The following ROBO2 variants were observed in gnomAD, a reference collection of about 807,000 sequenced individuals.
The protein encoded by ROBO2 is roundabout homolog 2.
A neutral mutation model predicts 160.8 loss-of-function variants in ROBO2; 53 were observed. The observed-to-expected ratio is 0.33, with a 90% CI of 0.26 to 0.41. The LOEUF is 0.41. Among genes scored for constraint, ROBO2 ranks in the 10% least tolerant of loss-of-function variants. ROBO2 has a pLI of 1.00. For synonymous variants in ROBO2, 664 were observed against 611.7 expected (o/e 1.09, Z -1.26); for missense variants, 1,577 against 1,722.4 (o/e 0.92, Z 1.49).
intron 2 of ROBO2, among the ~76,000 whole-genome samples, chr3:76,474,060 G>C (rs942068595): frequency 1.3e-5 from 2 of 152,078 alleles, no homozygotes; most frequent in South Asian, 4.1e-4. Context: ...AAAGGAAGAA[G>C]GTTATAGAGT....
At chr3:76,284,535 A>G (rs964138574) in intron 2 of ROBO2, among the ~76,000 whole-genome samples, 6 of 152,080 alleles carry the variant, frequency 3.9e-5, no homozygotes, top group Non-Finnish European at 7.4e-5. Flanking sequence ...TTATCCATTC[A>G]TTTTCCAACT....
intron 2 of ROBO2, among the ~76,000 whole-genome samples, chr3:76,587,133 CCT>C (rs1433038578): frequency 6.6e-6 from 1 of 152,086 alleles, no homozygotes; most frequent in Non-Finnish European, 1.5e-5. Context: ...GCCCATTGCC[CCT>C]GTCTAAAATG....
intron 2 of ROBO2, among the ~76,000 whole-genome samples, chr3:76,299,669 G>C (rs1709260756): frequency 6.6e-6 from 1 of 152,150 alleles, no homozygotes; most frequent in African/African-American, 2.4e-5. Context: ...GTTGAAGTGT[G>C]ACTACCTGTT....
At chr3:76,374,915 G>A (rs1181059954) in intron 2 of ROBO2, among the ~76,000 whole-genome samples, 1 of 150,964 alleles carries the variant, frequency 6.6e-6, no homozygotes, top group African/African-American at 2.4e-5. Context: ...TCTTTTATCA[G>A]TGTGACTATC....
At chr3:76,271,150 T>C (rs1286057033) in intron 2 of ROBO2, among the ~76,000 whole-genome samples, 2 of 152,018 alleles carry the variant, frequency 1.3e-5, no homozygotes, top group Non-Finnish European at 2.9e-5. Context: ...ATATGAAAAT[T>C]AACCAATCAT....
At chr3:76,214,734 G>A (rs1165622843) in intron 2 of ROBO2, among the ~76,000 whole-genome samples, 3 of 152,178 alleles carry the variant, frequency 2.0e-5, no homozygotes, top group Admixed American at 2.0e-4. Context: ...CCACCTCTGG[G>A]GGCAGGGCAC....
At chr3:77,560,547 C>G (rs1490254893) in intron 9 of ROBO2, among the ~76,000 whole-genome samples, 2 of 151,950 alleles carry the variant, frequency 1.3e-5, no homozygotes, top group South Asian at 2.1e-4. Flanking sequence ...CTCATACAGT[C>G]AAGAGAGTTT....
intron 5 of ROBO2, among the ~76,000 whole-genome samples, chr3:77,493,940 A>G (rs896920011): frequency 6.6e-6 from 1 of 152,060 alleles, no homozygotes; most frequent in Non-Finnish European, 1.5e-5. Flanking sequence ...CCATCTCTTC[A>G]TGGAGACCTT....
intron 2 of ROBO2, among the ~76,000 whole-genome samples, chr3:75,946,768 G>C (rs1180483650): frequency 6.6e-6 from 1 of 152,088 alleles, no homozygotes; most frequent in Non-Finnish European, 1.5e-5. Flanking sequence ...CATGAAGGAA[G>C]AGCATGGAGA....
intron 2 of ROBO2, among the ~76,000 whole-genome samples, chr3:76,900,964 C>T (rs2075178983): frequency 6.6e-6 from 1 of 152,140 alleles, no homozygotes; most frequent in East Asian, 1.9e-4. Flanking sequence ...GCTGAATAAT[C>T]TAAGCCAAAT....
At chr3:76,724,417 C>T (rs1203154530) in intron 2 of ROBO2, among the ~76,000 whole-genome samples, 2 of 152,176 alleles carry the variant, frequency 1.3e-5, no homozygotes, top group African/African-American at 2.4e-5. Context: ...CAACTATTTC[C>T]GCAAGTCTTC....
chr3:76,001,162 G>A (rs1383434044), intron 2 of ROBO2, among the ~76,000 whole-genome samples: 4 of 152,080 alleles, frequency 2.6e-5, no homozygotes, highest in African/African-American at 4.8e-5. Context: ...TAGCACTAAC[G>A]AAGCACAACA....
At chr3:76,813,320 T>C (rs1012258879) in intron 2 of ROBO2, among the ~76,000 whole-genome samples, 1 of 152,130 alleles carries the variant, frequency 6.6e-6, no homozygotes, top group African/African-American at 2.4e-5. Flanking sequence ...GTAGCTAATA[T>C]AAACCTGAGA....
At chr3:77,478,681 TTTGACTGAATAAATGTGCCA>T in intron 3 of ROBO2, among the ~76,000 whole-genome samples, 1 of 152,192 alleles carries the variant, frequency 6.6e-6, no homozygotes, top group South Asian at 2.1e-4. Context: ...TAATTTCTCA[TTTGACTGAATAAATGTGCCA>T]TTTTAATAAA....
intron 2 of ROBO2, among the ~76,000 whole-genome samples, chr3:76,558,823 A>G (rs1474627614): frequency 6.6e-6 from 1 of 152,190 alleles, no homozygotes; most frequent in East Asian, 1.9e-4. Context: ...AGTTTGTTTG[A>G]AAGAAACAAC....
chr3:76,554,394 T>C (rs754141049), intron 2 of ROBO2, among the ~76,000 whole-genome samples: 1 of 152,208 alleles, frequency 6.6e-6, no homozygotes, highest in African/African-American at 2.4e-5. Flanking sequence ...TTTGGTTGTT[T>C]ACGCTTTTTT....
intron 2 of ROBO2, among the ~76,000 whole-genome samples, chr3:77,017,227 A>G (rs921301071): frequency 1.3e-5 from 2 of 152,242 alleles, no homozygotes; most frequent in African/African-American, 2.4e-5. Flanking sequence ...ATAAACTGCA[A>G]GGTAGAAAAA....
intron 2 of ROBO2, among the ~76,000 whole-genome samples, chr3:76,649,943 CTT>C (rs2091174822): frequency 6.6e-6 from 1 of 151,948 alleles, no homozygotes; most frequent in Non-Finnish European, 1.5e-5. Context: ...TTATTATTAC[CTT>C]TTGAAGAGTT....
At chr3:76,869,961 C>A (rs1577146969) in intron 2 of ROBO2, among the ~76,000 whole-genome samples, 1 of 152,218 alleles carries the variant, frequency 6.6e-6, no homozygotes, top group African/African-American at 2.4e-5. Context: ...CCTAAGACTT[C>A]CTCCCAATTA....
Sources: gnomAD v4.1 joint callset for allele counts (sites outside exome capture counted in the v4.1 genomes callset) on GRCh38, gnomAD v4.1.1 for gene constraint, MANE v1.5 for transcripts, NCBI Gene and HGNC (gene_info 2026-07-23, HGNC 2026-07-21) for gene names.